CFAP221: variants seen among roughly 807,000 people sequenced by gnomAD.
CFAP221 encodes cilia- and flagella-associated protein 221.
In CFAP221, 97 loss-of-function variants were observed where a neutral mutation model predicts 113.1. The observed-to-expected ratio is 0.86, with a 90% CI of 0.73 to 1.02. The LOEUF (loss-of-function observed/expected upper bound fraction) is 1.02, where lower values mean the gene tolerates loss of function less well. Ranked by LOEUF, CFAP221 falls within the 50% of genes least tolerant of loss-of-function variation. The pLI is 0.00. For synonymous variants in CFAP221, 331 were observed against 354.4 expected (o/e 0.93, Z 0.74); for missense variants, 1,025 against 1,013.4 (o/e 1.01, Z -0.16).
intron 6 of CFAP221, among the ~76,000 whole-genome samples, chr2:119,577,402 C>T (rs1055395210): frequency 1.3e-5 from 2 of 152,064 alleles, no homozygotes; most frequent in African/African-American, 4.8e-5. Flanking sequence ...GAAGAAATGC[C>T]CTCTAAAAAG....
At chr2:119,651,787 C>T (rs557145177) in intron 22 of CFAP221, among the ~76,000 whole-genome samples, 187 bp from the exon 23 acceptor site, 12 of 152,194 alleles carry the variant, frequency 7.9e-5, no homozygotes, top group Non-Finnish European at 1.6e-4. Context: ...ATTATGCCTA[C>T]CATTGTTTGT....
At chr2:119,638,772 C>T (rs561295474) in intron 20 of CFAP221, among the ~76,000 whole-genome samples, 1 of 152,256 alleles carries the variant, frequency 6.6e-6, no homozygotes, top group South Asian at 2.1e-4. Flanking sequence ...GTGTAGAAAC[C>T]AGAATGGACA....
At chr2:119,636,061 T>C (rs1331680425) in intron 19 of CFAP221, among the ~76,000 whole-genome samples, 1 of 152,200 alleles carries the variant, frequency 6.6e-6, no homozygotes, top group African/African-American at 2.4e-5. Context: ...TATAATCCAT[T>C]TGGCCTTGAT....
chr2:119,632,357 T>C (rs1162541799), intron 19 of CFAP221, among the ~76,000 whole-genome samples: 2 of 152,166 alleles, frequency 1.3e-5, no homozygotes, highest in African/African-American at 4.8e-5. Flanking sequence ...TAATTTAACA[T>C]TACAAACTCA....
At chr2:119,621,961 C>T (rs528867457) in intron 14 of CFAP221, among the ~76,000 whole-genome samples, 6 of 151,992 alleles carry the variant, frequency 3.9e-5, no homozygotes, top group Admixed American at 2.6e-4. Flanking sequence ...GACACCCTAA[C>T]ATTATAATGA....
At chr2:119,632,612 G>T (rs994496499) in intron 19 of CFAP221, among the ~76,000 whole-genome samples, 1 of 148,050 alleles carries the variant, frequency 6.8e-6, no homozygotes, top group African/African-American at 2.5e-5. Context: ...TTCTATTCAG[G>T]ATTATAAGTA....
At chr2:119,628,135 T>C (rs1686472564) in intron 16 of CFAP221, among the ~76,000 whole-genome samples, 1 of 152,112 alleles carries the variant, frequency 6.6e-6, no homozygotes, top group South Asian at 2.1e-4. Context: ...CAGGCTCTGC[T>C]CAGCTTGGCC....
At chr2:119,611,550 G>A in intron 12 of CFAP221, 103 bp from the exon 13 acceptor site, 1 of 918,116 alleles carries the variant, frequency 1.1e-6, no homozygotes, top group South Asian at 1.6e-5. Context: ...GAACGTCGTG[G>A]GTGGATTTGG....
intron 19 of CFAP221, among the ~76,000 whole-genome samples, chr2:119,633,287 G>A (rs528247858): frequency 6.6e-6 from 1 of 151,602 alleles, no homozygotes; most frequent in African/African-American, 2.4e-5. Flanking sequence ...GAAAATCTTT[G>A]TGATCTTCAA....
chr2:119,617,341 A>G (rs1342708243), intron 14 of CFAP221, among the ~76,000 whole-genome samples: 1 of 152,196 alleles, frequency 6.6e-6, no homozygotes, highest in East Asian at 1.9e-4. Context: ...TGGTCTCTGC[A>G]TATGTGCAAA....
intron 22 of CFAP221, among the ~76,000 whole-genome samples, chr2:119,651,469 G>C (rs1688123304): frequency 7.0e-6 from 1 of 143,500 alleles, no homozygotes; most frequent in South Asian, 2.3e-4. Flanking sequence ...CTGGCTCTAA[G>C]GGATAGCAGA....
At chr2:119,614,929 T>C (rs1345891928) in intron 13 of CFAP221, among the ~76,000 whole-genome samples, 2 of 152,242 alleles carry the variant, frequency 1.3e-5, no homozygotes, top group Non-Finnish European at 2.9e-5. Context: ...CCATGGGCCA[T>C]ATCAGAGTCC....
chr2:119,546,180 C>G lies in CFAP221; in HGVS notation c.49C>G (p.Pro17Ala). 1 of 1,535,780 alleles carries G rather than the reference C, an allele frequency of 6.5e-7. No individual in the cohort carries two copies. Among genetic ancestry groups the G allele is most frequent in the South Asian group, 1.2e-5 (1 of 84,018 alleles). ...CAGAGGACTAAAGAATGCTAAAGAA[C>G]CCTTTAATAATGCATCACCCCATCT... ...PSRGLKNAKE[P>A]FNNASPHLLK... Residue 17 changes from proline to alanine, a missense_variant, in exon 2 of 24, where the codon CCC (proline) becomes GCC (alanine). Coordinates refer to ENST00000413369, the MANE Select transcript of CFAP221 (RefSeq NM_001271049.2).
intron 6 of CFAP221, 123 bp downstream of exon 6, chr2:119,562,237 T>C: frequency 2.1e-6 from 1 of 487,138 alleles, no homozygotes; most frequent in South Asian, 4.3e-5. Context: ...TAGACTGGAC[T>C]TGTCATTGTA....
intron 16 of CFAP221, 127 bp downstream of exon 16, chr2:119,627,913 G>T (rs1436784675): frequency 7.6e-7 from 1 of 1,315,968 alleles, no homozygotes; most frequent in Non-Finnish European, 1.0e-6. Flanking sequence ...GGAAGATGAG[G>T]AGAGTATTAC....
At chr2:119,562,884 G>A (rs905189852) in intron 6 of CFAP221, among the ~76,000 whole-genome samples, 3 of 152,166 alleles carry the variant, frequency 2.0e-5, no homozygotes, top group Admixed American at 6.5e-5. Flanking sequence ...GGGCCTGGTG[G>A]CTCACGCTTG....
At position 119,560,044 on chromosome 2, in the gene CFAP221, GCT is replaced by G. The variant is rs2104536535; in HGVS notation, c.426+19_426+20del. ...ACTGTAAGGTAGGTCTCTTAAAATT[GCT>G]TTTTTTTTTTTTTTTTTTTGATGGT... is the stretch of plus-strand genomic sequence containing the variant. On this transcript the variant is annotated intron_variant, in intron 5 of 23. Transcript: ENST00000413369. 1 of 1,070,640 alleles carries G rather than the reference GCT, an allele frequency of 9.3e-7. No individual in the cohort carries two copies. Among genetic ancestry groups the G allele is most frequent in the Non-Finnish European group, 1.2e-6 (1 of 811,256 alleles). 66.3% of individuals were successfully genotyped at this position (1,070,640 alleles called of 1,614,324 possible). A position where few individuals can be genotyped will look rare whatever the true frequency, so the allele number is the denominator to read the frequency against.
chr2:119,650,535 A>G (rs896566664), intron 22 of CFAP221, among the ~76,000 whole-genome samples: 1 of 152,250 alleles, frequency 6.6e-6, no homozygotes. Context: ...TGAAATGGGA[A>G]TAGTTGTATC....
chr2:119,643,929 G>T (rs1394428988), intron 21 of CFAP221, among the ~76,000 whole-genome samples: 1 of 151,310 alleles, frequency 6.6e-6, no homozygotes, highest in East Asian at 2.0e-4. Context: ...AAGGCAGGAG[G>T]ATCACTTGAG....
Sources: gnomAD v4.1 joint callset for allele counts (sites outside exome capture counted in the v4.1 genomes callset) on GRCh38, gnomAD v4.1.1 for gene constraint, MANE v1.5 for transcripts, NCBI Gene and HGNC (gene_info 2026-07-23, HGNC 2026-07-21) for gene names.